The following GPD1L variants were observed in gnomAD, a reference collection of about 807,000 sequenced individuals.
GPD1L encodes glycerol-3-phosphate dehydrogenase 1 like.
GPD1L carries 17 observed loss-of-function variants against 32.9 expected under a neutral mutation model. The ratio of observed to expected loss-of-function variants is 0.52; its 90% CI spans 0.35 to 0.78. The LOEUF (loss-of-function observed/expected upper bound fraction) is 0.78. Among genes scored for constraint, GPD1L ranks in the 30% least tolerant of loss-of-function variants. GPD1L has a pLI of 0.01. For missense variants in GPD1L, 361 were observed against 447.8 expected (o/e 0.81, Z 1.75); for synonymous variants, 187 against 165.9 (o/e 1.13, Z -0.98).
chr3:32,162,091 T>C (rs1032300028), intron 7 of GPD1L, among the ~76,000 whole-genome samples: 3 of 152,236 alleles, frequency 2.0e-5, no homozygotes, highest in African/African-American at 7.2e-5. Context: ...CTGTGGCTTA[T>C]TAGCCCTGTG....
At chr3:32,129,457 C>G (rs1003432674) in intron 2 of GPD1L, among the ~76,000 whole-genome samples, 8 of 152,206 alleles carry the variant, frequency 5.3e-5, no homozygotes, top group African/African-American at 1.9e-4. Context: ...ATTTAATCCT[C>G]TCAATAACCC....
chr3:32,157,726 T>C (rs7624416), intron 5 of GPD1L, among the ~76,000 whole-genome samples: 80,350 of 152,000 alleles, frequency 0.53, 22,615 homozygotes, highest in East Asian at 0.86. Flanking sequence ...GTGGACCATA[T>C]GGTCTCTGTT....
chr3:32,106,688 C>G lies in GPD1L; in HGVS notation c.-24C>G. On this transcript the variant is annotated 5_prime_UTR_variant, in exon 1 of 8. Coordinates refer to ENST00000282541, the MANE Select transcript of GPD1L (RefSeq NM_015141.4). The surrounding 1 kb of genome is among the most constrained non-coding windows in gnomAD (Gnocchi z 4.0). ...GGCAGCCGGCCAGGGAAGCACGGTC[C>G]AGGCGGCTACATTCGGCCCGGCCAT... The G allele has an allele frequency of 6.4e-7, 1 of 1,551,344 alleles. No individual in the cohort carries two copies. The highest frequency in any genetic ancestry group is 1.2e-5 in the South Asian group (1 of 84,152).
rs74706792 is a variant in GPD1L at position 32,163,784 on chromosome 3, A to G, written c.960-2030A>G. Among the ~76,000 whole-genome samples the G allele has an allele frequency of 0.023, 3,551 of 152,338 alleles. 305 individuals are homozygous for G. In the East Asian group the frequency reaches 0.25, roughly 11 times the overall value. On this transcript the variant is annotated intron_variant, in intron 7 of 7. Transcript: ENST00000282541. ...TATCTCTTGTTAACATCCCTTCCAC[A>G]GAATGCACTTTGGAAATGATAGTTT...
chr3:32,128,235 C>T lies in GPD1L; in HGVS notation c.207C>T (p.His69=). 6.2e-7 allele frequency: 1 copy of T among 1,613,502 alleles called. No homozygotes were observed. Among genetic ancestry groups the T allele is most frequent in the Non-Finnish European group, 8.5e-7 (1 of 1,179,494 alleles). ...AAAATGTAAAATATCTTCCTGGACA[C>T]AAGCTGCCAGAAAATGTGGTAAGAC... ...DHENVKYLPG[H]KLPENVVAMS... is the part of the protein sequence containing the mutation. The change falls in exon 2 of 8, where the codon CAC becomes CAT. Residue 69 remains histidine (H), a synonymous_variant. Coordinates refer to ENST00000282541, the MANE Select transcript of GPD1L (RefSeq NM_015141.4).
At chr3:32,138,378 C>T (rs181104125) in intron 2 of GPD1L, among the ~76,000 whole-genome samples, 20 of 152,258 alleles carry the variant, frequency 1.3e-4, no homozygotes, top group Admixed American at 5.2e-4. Flanking sequence ...GGATAACTCA[C>T]CTGCCCAGCT....
chr3:32,156,440 C>T (rs1031105305), intron 5 of GPD1L, among the ~76,000 whole-genome samples: 1 of 152,128 alleles, frequency 6.6e-6, no homozygotes, highest in Non-Finnish European at 1.5e-5. Context: ...AAGCAGCAAC[C>T]GCAGTAAGCT....
intron 1 of GPD1L, among the ~76,000 whole-genome samples, chr3:32,109,232 A>G (rs908932439): frequency 1.3e-5 from 2 of 152,222 alleles, no homozygotes; most frequent in African/African-American, 2.4e-5. Context: ...GCACCCATTT[A>G]GCACATGTTT....
rs1701042850 is a variant in GPD1L, at chr3:32,159,249, T to TGA, written c.852+141_852+142dup. 7 of 686,364 alleles carry TGA rather than the reference T, an allele frequency of 1.0e-5. No individual in the cohort carries two copies. The South Asian group carries it at 1.2e-4, about 12-fold the overall frequency. 42.5% of individuals were successfully genotyped at this position (686,364 alleles called of 1,614,324 possible). ...CCGTTTGCCTGGCTGCTTTTTCACT[T>TGA]GACTCTTCTGTTCTTTATCTTTGTG... On this transcript the variant is annotated intron_variant, in intron 6 of 7. Transcript: ENST00000282541.
chr3:32,137,450 C>T (rs1050230338), intron 2 of GPD1L, among the ~76,000 whole-genome samples: 3 of 152,148 alleles, frequency 2.0e-5, no homozygotes, highest in African/African-American at 7.2e-5. Context: ...CTTCACATTC[C>T]CACTGGCAAA....
intron 1 of GPD1L, among the ~76,000 whole-genome samples, chr3:32,117,906 C>T (rs2052899940): frequency 6.6e-6 from 1 of 152,190 alleles, no homozygotes; most frequent in South Asian, 2.1e-4. Flanking sequence ...TCCATTCACT[C>T]AGATGAACAT....
chr3:32,142,222 G>A (rs560017452), intron 4 of GPD1L, among the ~76,000 whole-genome samples: 14 of 151,978 alleles, frequency 9.2e-5, no homozygotes, highest in African/African-American at 3.1e-4. Context: ...TGGTTCAAGC[G>A]ATTCTCCTGC....
At chr3:32,133,507 C>A (rs923363476) in intron 2 of GPD1L, among the ~76,000 whole-genome samples, 3 of 152,082 alleles carry the variant, frequency 2.0e-5, no homozygotes, top group African/African-American at 7.2e-5. Context: ...TTGCTGTAGG[C>A]TCGAAAAGAC....
chr3:32,125,712 C>A (rs1304966855), intron 1 of GPD1L, among the ~76,000 whole-genome samples: 1 of 152,214 alleles, frequency 6.6e-6, no homozygotes, highest in South Asian at 2.1e-4. Context: ...AGCTATTTAT[C>A]TCTCTGAGCG....
chr3:32,114,459 A>G (rs1290492994), intron 1 of GPD1L, among the ~76,000 whole-genome samples: 1 of 152,192 alleles, frequency 6.6e-6, no homozygotes. Context: ...CTGACATACA[A>G]TTTTATATTA....
intron 1 of GPD1L, among the ~76,000 whole-genome samples, chr3:32,119,490 T>A (rs1687107290): frequency 6.6e-6 from 1 of 152,242 alleles, no homozygotes; most frequent in Non-Finnish European, 1.5e-5. Context: ...TTCATATTGA[T>A]CTTTTTTCCT....
intron 1 of GPD1L, among the ~76,000 whole-genome samples, chr3:32,126,655 G>C (rs1042531924): frequency 6.6e-6 from 1 of 152,202 alleles, no homozygotes; most frequent in Non-Finnish European, 1.5e-5. Context: ...AACCTGTCCT[G>C]CTGGCATAGA....
chr3:32,161,949 C>G lies in GPD1L; in HGVS notation c.959+2275C>G, dbSNP rs562269258. On this transcript the variant is annotated intron_variant, in intron 7 of 7. Coordinates refer to ENST00000282541, the MANE Select transcript of GPD1L (RefSeq NM_015141.4). ...GCCTATTGTGCTCCCTTTGCACCAC[C>G]TCTTACTTTGATTCCTTTTTCCTTT... 2.6e-5 allele frequency among the ~76,000 whole-genome samples: 4 copies of G among 152,292 alleles called. No homozygotes were observed. The East Asian group carries it at 7.7e-4, about 29-fold the overall frequency.
In GPD1L at chr3:32,159,076, C is replaced by T; in HGVS notation, c.819C>T (p.Arg273=). ...CCACCTGTTACGGAGGGCGGAACCG[C>T]AGGGTGGCCGAGGCCTTCGCCAGAA... ...LITTCYGGRN[R]RVAEAFARTG... The change falls in exon 6 of 8, where the codon CGC becomes CGT. Residue 273 remains arginine (R), a synonymous_variant. Coordinates refer to ENST00000282541, the MANE Select transcript of GPD1L (RefSeq NM_015141.4). 1 of 1,613,772 alleles carries T rather than the reference C, an allele frequency of 6.2e-7. No homozygotes were observed. The highest frequency in any genetic ancestry group is 8.5e-7 in the Non-Finnish European group (1 of 1,180,020).
Sources: allele counts gnomAD v4.1 joint callset (sites outside exome capture counted in the v4.1 genomes callset), GRCh38; gene constraint gnomAD v4.1.1; non-coding constraint Gnocchi (gnomAD v3.1); transcripts MANE v1.5; gene names NCBI Gene and HGNC (gene_info 2026-07-23, HGNC 2026-07-21).